Variants in DOCK2 observed in about 807,000 individuals in gnomAD.
DOCK2 encodes dedicator of cytokinesis protein 2.
Under a neutral mutation model 248.9 loss-of-function variants are expected in DOCK2, and 87 were observed. The observed-to-expected ratio is 0.35, with a 90% CI of 0.29 to 0.42. The LOEUF (loss-of-function observed/expected upper bound fraction) is 0.42, where lower values mean the gene tolerates loss of function less well. DOCK2 is among the 10% of genes least tolerant of loss of function. The pLI is 1.00. For synonymous variants in DOCK2, 805 were observed against 821.6 expected, an observed-to-expected ratio of 0.98 and a Z score of 0.35; for missense variants, 1,747 against 2,300.2, an observed-to-expected ratio of 0.76 and a Z score of 4.92.
intron 27 of DOCK2, among the ~76,000 whole-genome samples, chr5:169,935,373 A>G (rs1340614574): frequency 1.3e-5 from 2 of 152,158 alleles, no homozygotes; most frequent in Non-Finnish European, 2.9e-5. Context: ...CCATGGAACC[A>G]TCGCAGAGGC....
chr5:169,716,425 T>A, intron 20 of DOCK2, 123 bp downstream of exon 20: 1 of 915,510 alleles, frequency 1.1e-6, no homozygotes, highest in Non-Finnish European at 1.6e-6. Context: ...TTTGGAGGTG[T>A]TGTAATGTTT....
chr5:169,951,095 T>G (rs577186063), intron 27 of DOCK2, among the ~76,000 whole-genome samples: 2 of 152,208 alleles, frequency 1.3e-5, no homozygotes, highest in Non-Finnish European at 2.9e-5. Flanking sequence ...GCCTGCCTTA[T>G]CTGGGACACG....
chr5:169,696,696 C>T (rs1444872611), intron 10 of DOCK2, among the ~76,000 whole-genome samples: 2 of 152,102 alleles, frequency 1.3e-5, no homozygotes, highest in Non-Finnish European at 2.9e-5. Context: ...CCATAGCTAA[C>T]CTCAGTGTTT....
intron 26 of DOCK2, among the ~76,000 whole-genome samples, chr5:169,833,677 G>GA (rs1434545097): frequency 2.6e-5 from 4 of 152,160 alleles, no homozygotes; most frequent in African/African-American, 9.7e-5. Context: ...GATGCCAGAC[G>GA]AAAGTGTGGG....
intron 6 of DOCK2, among the ~76,000 whole-genome samples, chr5:169,675,630 A>G (rs1415046312): frequency 1.3e-5 from 2 of 152,226 alleles, no homozygotes; most frequent in African/African-American, 4.8e-5. Context: ...ATAAAGAGAT[A>G]TTAAGCAGGC....
chr5:170,083,101 C>A lies in DOCK2; in HGVS notation c.*243C>A. Reference sequence around the variant, plus strand: ...ACGTAGATTCCTGAACTCAAGGTACCAGCAAGAATGCCTTCTCCCAGTGTG... The same window carrying A: ...ACGTAGATTCCTGAACTCAAGGTACAAGCAAGAATGCCTTCTCCCAGTGTG... On this transcript the variant is annotated 3_prime_UTR_variant, in exon 52 of 52. Transcript: ENST00000520908. The A allele has an allele frequency of 1.9e-6, 1 of 517,698 alleles. No homozygotes were observed. Among genetic ancestry groups the A allele is most frequent in the Non-Finnish European group, 3.4e-6 (1 of 290,134 alleles). 32.1% of individuals were successfully genotyped at this position (517,698 alleles called of 1,614,324 possible). A position where few individuals can be genotyped will look rare whatever the true frequency, so the allele number is the denominator to read the frequency against.
rs963870771 is a variant in DOCK2, at chr5:169,763,551, G to A, written c.2554+1926G>A. Among the ~76,000 whole-genome samples, 5 of 152,186 alleles carry A rather than the reference G, an allele frequency of 3.3e-5. No individual in the cohort carries two copies. The highest frequency in any genetic ancestry group is 1.3e-4 in the Admixed American group (2 of 15,288). On this transcript the variant is annotated intron_variant, in intron 25 of 51. Transcript: ENST00000520908. The surrounding 1 kb of genome is among the most constrained non-coding windows in gnomAD (Gnocchi z 4.1). Reference sequence around the variant, plus strand: ...TGTCAATTCCAGCCTCTTGGAAGTCGGAGTAATTCCTTGACTGCAGCCACA... The same window carrying A: ...TGTCAATTCCAGCCTCTTGGAAGTCAGAGTAATTCCTTGACTGCAGCCACA...
rs1262529521 is a variant in DOCK2, at chr5:169,684,285, C to T, written c.696C>T (p.Cys232=). ...ATGTGTTTGTGAGAAACTTTGTGTG[C>T]AGAATTGGGGAAGATGCTGAGCTCT... ...SLYVFVRNFV[C]RIGEDAELFM... Residue 232 remains cysteine (C), a synonymous_variant, in exon 8 of 52, where the codon TGC becomes TGT. Coordinates refer to ENST00000520908, the MANE Select transcript of DOCK2 (RefSeq NM_004946.3). The T allele has an allele frequency of 2.5e-6, 4 of 1,614,050 alleles. No homozygotes were observed. In the African/African-American group the frequency reaches 5.3e-5, roughly 22 times the overall value.
chr5:170,063,719 A>G (rs1212504481), intron 44 of DOCK2, among the ~76,000 whole-genome samples: 1 of 152,160 alleles, frequency 6.6e-6, no homozygotes, highest in Non-Finnish European at 1.5e-5. Flanking sequence ...CCTCTTAAGG[A>G]TATAGCTCTG....
At chr5:169,717,582 C>G (rs1761970933) in intron 21 of DOCK2, 98 bp downstream of exon 21, 7 of 1,077,708 alleles carry the variant, frequency 6.5e-6, no homozygotes, top group Non-Finnish European at 8.6e-6. Flanking sequence ...TTTTGTGACT[C>G]ATCTGTGTGA....
intron 25 of DOCK2, among the ~76,000 whole-genome samples, chr5:169,795,061 A>T (rs1368907730): frequency 6.6e-6 from 1 of 152,208 alleles, no homozygotes; most frequent in East Asian, 1.9e-4. Context: ...TCCATCAGTT[A>T]CATGTCAGTC....
chr5:169,826,580 G>A (rs891765237), intron 26 of DOCK2, among the ~76,000 whole-genome samples: 1 of 152,098 alleles, frequency 6.6e-6, no homozygotes, highest in Non-Finnish European at 1.5e-5. Context: ...ATCATAATCA[G>A]AATTCCAGGG....
At chr5:169,774,389 C>A (rs76591500) in intron 25 of DOCK2, among the ~76,000 whole-genome samples, 12,985 of 152,118 alleles carry the variant, frequency 0.085, 700 homozygotes, top group African/African-American at 0.16. Flanking sequence ...TATCACTATT[C>A]CTATTTAACA....
intron 41 of DOCK2, among the ~76,000 whole-genome samples, chr5:170,054,327 C>T (rs909548884): frequency 6.6e-5 from 10 of 151,982 alleles, no homozygotes; most frequent in Admixed American, 2.6e-4. Flanking sequence ...AAATAAAAGA[C>T]GTGGGTAAAG....
chr5:169,814,982 G>C (rs1767977575), intron 26 of DOCK2, among the ~76,000 whole-genome samples: 1 of 152,170 alleles, frequency 6.6e-6, no homozygotes, highest in Non-Finnish European at 1.5e-5. Context: ...TTAGGTAATT[G>C]CATGACTAAA....
intron 26 of DOCK2, among the ~76,000 whole-genome samples, chr5:169,835,083 A>T (rs1769477951): frequency 6.6e-6 from 1 of 152,116 alleles, no homozygotes; most frequent in Non-Finnish European, 1.5e-5. Flanking sequence ...AGTGTGCAAG[A>T]AATGGGAATC....
intron 27 of DOCK2, among the ~76,000 whole-genome samples, chr5:169,916,393 C>A (rs533259737): frequency 6.6e-6 from 1 of 152,316 alleles, no homozygotes; most frequent in South Asian, 2.1e-4. Flanking sequence ...TTCTGGCCCT[C>A]CTATCACCCC....
intron 29 of DOCK2, among the ~76,000 whole-genome samples, chr5:169,993,794 G>C (rs1778268972): frequency 6.6e-6 from 1 of 152,170 alleles, no homozygotes; most frequent in Non-Finnish European, 1.5e-5. Flanking sequence ...AGAGTGCTCA[G>C]CTCACCTGCA....
At chr5:169,972,048 A>G (rs1409287157) in intron 27 of DOCK2, among the ~76,000 whole-genome samples, 1 of 152,230 alleles carries the variant, frequency 6.6e-6, no homozygotes, top group Admixed American at 6.5e-5. Flanking sequence ...ATTATTTCCA[A>G]CACAACTTCC....
Sources: allele counts gnomAD v4.1 joint callset (sites outside exome capture counted in the v4.1 genomes callset), GRCh38; gene constraint gnomAD v4.1.1; non-coding constraint Gnocchi (gnomAD v3.1); transcripts MANE v1.5; gene names NCBI Gene and HGNC (gene_info 2026-07-23, HGNC 2026-07-21).